Variants in CELF4 observed in about 807,000 individuals in gnomAD.
The protein encoded by CELF4 is CUGBP Elav-like family member 4, also known as CUG-BP- and ETR-3-like factor 4.
In CELF4, 18 loss-of-function variants were observed where a neutral mutation model predicts 59.9. That is an observed-to-expected ratio of 0.30 (90% CI 0.21 to 0.45). The LOEUF (loss-of-function observed/expected upper bound fraction) is 0.45, where lower values mean the gene tolerates loss of function less well. Among genes scored for constraint, CELF4 ranks in the 20% least tolerant of loss-of-function variants. The pLI, the probability that CELF4 is intolerant of heterozygous loss-of-function variation, is 1.00. For synonymous variants in CELF4, 261 were observed against 267.1 expected (o/e 0.98, Z 0.22); for missense variants, 456 against 689.0 (o/e 0.66, Z 3.79).
chr18:37,369,781 C>A (rs775814474), intron 2 of CELF4, among the ~76,000 whole-genome samples: 1 of 152,226 alleles, frequency 6.6e-6, no homozygotes, highest in Non-Finnish European at 1.5e-5. Context: ...ACTTTCTGTT[C>A]CAGCCAGGCC....
At chr18:37,248,540 T>A (rs899350783) in intron 12 of CELF4, among the ~76,000 whole-genome samples, 1 of 152,100 alleles carries the variant, frequency 6.6e-6, no homozygotes, top group African/African-American at 2.4e-5. Flanking sequence ...CTCTGCTGAC[T>A]TCCCCTCCTC....
chr18:37,277,731 T>C (rs2093556515), intron 3 of CELF4, among the ~76,000 whole-genome samples: 2 of 152,192 alleles, frequency 1.3e-5, no homozygotes, highest in Admixed American at 6.5e-5. Context: ...TAATTAAAAC[T>C]CTTCTTTCCA....
intron 1 of CELF4, among the ~76,000 whole-genome samples, chr18:37,486,831 A>G (rs911921296): frequency 1.3e-5 from 2 of 151,782 alleles, no homozygotes; most frequent in Non-Finnish European, 2.9e-5. Flanking sequence ...CTCTGCTCTC[A>G]CCACCTCCTC....
chr18:37,509,028 C>G (rs981042139), intron 1 of CELF4, among the ~76,000 whole-genome samples: 2 of 152,196 alleles, frequency 1.3e-5, no homozygotes, highest in Non-Finnish European at 2.9e-5. Context: ...AAAGCCCCAT[C>G]TCGATTGTTC....
At chr18:37,495,028 C>G (rs773620649) in intron 1 of CELF4, among the ~76,000 whole-genome samples, 2 of 152,210 alleles carry the variant, frequency 1.3e-5, no homozygotes, top group Non-Finnish European at 2.9e-5. Context: ...AGGTCTCTAG[C>G]TGAGCATCAA....
intron 1 of CELF4, among the ~76,000 whole-genome samples, chr18:37,540,558 G>A (rs889605452): frequency 3.9e-5 from 6 of 152,168 alleles, no homozygotes; most frequent in Non-Finnish European, 7.3e-5. Context: ...AGATCGTGGG[G>A]CAAGCTGGGT....
intron 1 of CELF4, among the ~76,000 whole-genome samples, chr18:37,560,992 G>A (rs1258853010): frequency 6.6e-6 from 1 of 152,208 alleles, no homozygotes; most frequent in Admixed American, 6.5e-5. Context: ...AAATCAAGGG[G>A]CTTTAGGCAT....
intron 2 of CELF4, among the ~76,000 whole-genome samples, chr18:37,461,184 A>G (rs868614673): frequency 3.9e-5 from 6 of 152,184 alleles, no homozygotes; most frequent in Admixed American, 6.5e-5. Context: ...ATTGAGTCCT[A>G]TGGGAGTTAT....
chr18:37,471,812 C>G (rs979380870), intron 2 of CELF4, among the ~76,000 whole-genome samples: 2 of 152,224 alleles, frequency 1.3e-5, no homozygotes, highest in Non-Finnish European at 2.9e-5. Flanking sequence ...GCTCAGGAAA[C>G]ACTTACTGAA....
chr18:37,371,412 CA>C (rs1360205332), intron 2 of CELF4, among the ~76,000 whole-genome samples: 1 of 152,192 alleles, frequency 6.6e-6, no homozygotes, highest in Non-Finnish European at 1.5e-5. Flanking sequence ...ATCCTGGCCT[CA>C]GGGGATGTGC....
intron 2 of CELF4, among the ~76,000 whole-genome samples, chr18:37,414,750 G>A (rs962243865): frequency 4.6e-5 from 7 of 151,716 alleles, no homozygotes; most frequent in Admixed American, 2.0e-4. Context: ...ACCCACCTCG[G>A]CCTCCCAAAG....
At chr18:37,483,873 T>C (rs532272834) in intron 2 of CELF4, among the ~76,000 whole-genome samples, 2 of 152,366 alleles carry the variant, frequency 1.3e-5, no homozygotes, top group East Asian at 1.9e-4. Context: ...AAAGTATTTC[T>C]ATAAATTATT....
chr18:37,323,572 C>A (rs981705322), intron 2 of CELF4, among the ~76,000 whole-genome samples: 1 of 152,094 alleles, frequency 6.6e-6, no homozygotes, highest in East Asian at 1.9e-4. Flanking sequence ...CTGTCCAGTA[C>A]TGTTTGGGAC....
At chr18:37,430,124 C>T (rs1009152460) in intron 2 of CELF4, among the ~76,000 whole-genome samples, 1 of 152,156 alleles carries the variant, frequency 6.6e-6, no homozygotes, top group Non-Finnish European at 1.5e-5. Flanking sequence ...TGGCTCTGTA[C>T]CCTGCCATCC....
intron 2 of CELF4, among the ~76,000 whole-genome samples, chr18:37,482,879 CTGATTTTAATGGAT>C (rs1424135169): frequency 6.6e-6 from 1 of 152,176 alleles, no homozygotes; most frequent in Non-Finnish European, 1.5e-5. Flanking sequence ...AAGTGGAGGG[CTGATTTTAATGGAT>C]TGATTTTAAT....
At chr18:37,470,871 T>TGAGAGA (rs1406176161) in intron 2 of CELF4, among the ~76,000 whole-genome samples, 13 of 117,064 alleles carry the variant, frequency 1.1e-4, no homozygotes, top group South Asian at 3.1e-4. Context: ...TGTGTGTGTG[T>TGAGAGA]GTGTGTGTGT....
At chr18:37,281,039 T>C (rs1293154022) in intron 3 of CELF4, among the ~76,000 whole-genome samples, 3 of 152,186 alleles carry the variant, frequency 2.0e-5, no homozygotes, top group African/African-American at 4.8e-5. Flanking sequence ...CTGAGCTCAC[T>C]GTATTCAGGG....
intron 1 of CELF4, chr18:37,486,103 TAAG>T (rs2099880849): frequency 6.6e-6 from 1 of 152,274 alleles, no homozygotes; most frequent in Admixed American, 6.5e-5. Flanking sequence ...GCTCAGTCTG[TAAG>T]GAGGACCCCA....
chr18:37,371,848 A>C (rs1221696263), intron 2 of CELF4, among the ~76,000 whole-genome samples: 3 of 152,194 alleles, frequency 2.0e-5, no homozygotes, highest in Non-Finnish European at 2.9e-5. Flanking sequence ...CAGGAAGAAC[A>C]AGGTTCTTGG....
Sources: allele counts gnomAD v4.1 joint callset (sites outside exome capture counted in the v4.1 genomes callset), GRCh38; gene constraint gnomAD v4.1.1; transcripts MANE v1.5; gene names NCBI Gene and HGNC (gene_info 2026-07-23, HGNC 2026-07-21).